Variants in SLIT2 observed in about 807,000 individuals in gnomAD.
SLIT2 encodes the protein slit homolog 2 protein.
Under a neutral mutation model 185.7 loss-of-function variants are expected in SLIT2, and 41 were observed. That is an observed-to-expected ratio of 0.22 (90% CI 0.17 to 0.29). SLIT2 has a LOEUF of 0.29. Ranked by LOEUF, SLIT2 falls within the 10% of genes least tolerant of loss-of-function variation. The probability of loss-of-function intolerance (pLI) is 1.00; values close to 1 mark genes in which losing one functional copy is unlikely to be tolerated. For synonymous variants in SLIT2, 693 were observed against 680.2 expected, an observed-to-expected ratio of 1.02 and a Z score of -0.29; for missense variants, 1,571 against 1,909.0, an observed-to-expected ratio of 0.82 and a Z score of 3.30.
intron 4 of SLIT2, among the ~76,000 whole-genome samples, chr4:20,412,965 C>A (rs1221623323): frequency 6.6e-6 from 1 of 152,028 alleles, no homozygotes; most frequent in Non-Finnish European, 1.5e-5. Flanking sequence ...TTTGAATTTA[C>A]ATGTGAACTT....
At chr4:20,255,452 G>A (rs1457123204) in intron 1 of SLIT2, among the ~76,000 whole-genome samples, 1 of 152,188 alleles carries the variant, frequency 6.6e-6, no homozygotes, top group African/African-American at 2.4e-5. Context: ...ATCCACATTT[G>A]TGTAGGGTGG....
At chr4:20,360,116 C>T (rs1722624514) in intron 4 of SLIT2, among the ~76,000 whole-genome samples, 1 of 152,156 alleles carries the variant, frequency 6.6e-6, no homozygotes, top group African/African-American at 2.4e-5. Context: ...CTTTAATCTT[C>T]ACTGAAAGAT....
At chr4:20,563,402 T>C (rs1216270948) in intron 26 of SLIT2, among the ~76,000 whole-genome samples, 2 of 151,796 alleles carry the variant, frequency 1.3e-5, no homozygotes, top group Non-Finnish European at 2.9e-5. Context: ...GGAGAAAAGC[T>C]TAAAGATTGC....
chr4:20,330,271 G>A (rs1441881363), intron 4 of SLIT2, among the ~76,000 whole-genome samples: 2 of 151,930 alleles, frequency 1.3e-5, no homozygotes, highest in Non-Finnish European at 2.9e-5. Context: ...AAATTAGAAG[G>A]TCCCACCAAA....
chr4:20,572,369 A>G (rs892536979), intron 29 of SLIT2, among the ~76,000 whole-genome samples: 1 of 152,234 alleles, frequency 6.6e-6, no homozygotes, highest in East Asian at 1.9e-4. Context: ...TTAAGAAAGT[A>G]GGACTTCAGA....
chr4:20,339,505 G>A (rs941391418), intron 4 of SLIT2, among the ~76,000 whole-genome samples: 1 of 152,128 alleles, frequency 6.6e-6, no homozygotes, highest in Non-Finnish European at 1.5e-5. Context: ...CAGAGGAAAT[G>A]GTTAAAGAGA....
chr4:20,355,524 A>AT (rs1256792771), intron 4 of SLIT2, among the ~76,000 whole-genome samples: 2 of 152,142 alleles, frequency 1.3e-5, no homozygotes, highest in African/African-American at 2.4e-5. Flanking sequence ...GACAGATGAG[A>AT]TTTTTTTAAA....
intron 4 of SLIT2, among the ~76,000 whole-genome samples, chr4:20,300,220 A>T (rs1318612488): frequency 2.6e-5 from 4 of 152,106 alleles, no homozygotes; most frequent in Middle Eastern, 3.2e-3. Flanking sequence ...AAAGATCCTA[A>T]ACTAAGTTCA....
chr4:20,256,490 G>C (rs952433546), intron 1 of SLIT2, among the ~76,000 whole-genome samples, 182 bp from the exon 2 acceptor site: 2 of 152,086 alleles, frequency 1.3e-5, no homozygotes, highest in African/African-American at 4.8e-5. Context: ...AATGAACCTT[G>C]TAAATGTGTT....
At chr4:20,464,867 T>C (rs181844814) in intron 4 of SLIT2, among the ~76,000 whole-genome samples, 1 of 152,290 alleles carries the variant, frequency 6.6e-6, no homozygotes, top group East Asian at 1.9e-4. Flanking sequence ...TATTCATCCT[T>C]CTGTTTGATA....
At chr4:20,525,723 G>A (rs1721229696) in intron 15 of SLIT2, among the ~76,000 whole-genome samples, 1 of 152,058 alleles carries the variant, frequency 6.6e-6, no homozygotes, top group African/African-American at 2.4e-5. Flanking sequence ...TGAATTATAT[G>A]CAGTTGTTTC....
intron 34 of SLIT2, among the ~76,000 whole-genome samples, chr4:20,611,878 T>C (rs1729249327): frequency 2.0e-5 from 3 of 152,170 alleles, no homozygotes; most frequent in Admixed American, 2.0e-4. Flanking sequence ...GACACCTCAT[T>C]TAAGTCCAGA....
chr4:20,398,658 C>A (rs73238796), intron 4 of SLIT2, among the ~76,000 whole-genome samples: 11,034 of 151,632 alleles, frequency 0.073, 552 homozygotes, highest in Non-Finnish European at 0.11. Context: ...TTTTGTCTCC[C>A]CAATACTAGT....
chr4:20,463,881 A>G (rs1414343345), intron 4 of SLIT2, among the ~76,000 whole-genome samples: 1 of 151,536 alleles, frequency 6.6e-6, no homozygotes, highest in Admixed American at 6.6e-5. Context: ...GTCTCAAAAA[A>G]AAAAAAAAAA....
At chr4:20,535,692 A>T (rs1722208928) in intron 18 of SLIT2, among the ~76,000 whole-genome samples, 1 of 152,164 alleles carries the variant, frequency 6.6e-6, no homozygotes, top group Admixed American at 6.5e-5. Context: ...GCTTGTAAAC[A>T]GTCACCTTCT....
intron 4 of SLIT2, among the ~76,000 whole-genome samples, chr4:20,397,003 C>G (rs964887380): frequency 6.6e-6 from 1 of 150,990 alleles, no homozygotes; most frequent in African/African-American, 2.4e-5. Context: ...CATATATTTC[C>G]ATAATATTAG....
chr4:20,482,699 A>G (rs1716824731), intron 6 of SLIT2, among the ~76,000 whole-genome samples: 1 of 152,024 alleles, frequency 6.6e-6, no homozygotes, highest in Non-Finnish European at 1.5e-5. Flanking sequence ...ATAGAAGTAT[A>G]TATTGGTCAG....
chr4:20,496,166 T>C (rs1278693534), intron 9 of SLIT2, among the ~76,000 whole-genome samples: 8 of 152,224 alleles, frequency 5.3e-5, no homozygotes, highest in Admixed American at 5.2e-4. Flanking sequence ...ATGTATGCCA[T>C]ATATGAGTGA....
chr4:20,589,238 C>G (rs1246275568), intron 29 of SLIT2, among the ~76,000 whole-genome samples: 1 of 152,100 alleles, frequency 6.6e-6, no homozygotes, highest in African/African-American at 2.4e-5. Flanking sequence ...GATGTGGGTG[C>G]TGGTGACCTG....
Sources: allele counts gnomAD v4.1 joint callset (sites outside exome capture counted in the v4.1 genomes callset), GRCh38; gene constraint gnomAD v4.1.1; transcripts MANE v1.5; gene names NCBI Gene and HGNC (gene_info 2026-07-23, HGNC 2026-07-21).